CD36: variants seen among roughly 807,000 people sequenced by gnomAD.
CD36 encodes the protein platelet glycoprotein 4.
A neutral mutation model predicts 55.2 loss-of-function variants in CD36; 119 were observed. The ratio of observed to expected loss-of-function variants is 2.15; its 90% CI spans 1.86 to 2.51. CD36 has a LOEUF of 2.51. Ranked by LOEUF, CD36 falls within the 30% of genes most tolerant of loss-of-function variation. The pLI, the probability that CD36 is intolerant of heterozygous loss-of-function variation, is 0.00. For missense variants in CD36, 819 were observed against 555.5 expected (o/e 1.47, Z -4.77); for synonymous variants, 186 against 193.6 (o/e 0.96, Z 0.33).
intron 14 of CD36, among the ~76,000 whole-genome samples, chr7:80,675,717 A>G (rs978338423): frequency 2.0e-5 from 3 of 152,194 alleles, no homozygotes; most frequent in Admixed American, 6.5e-5. Flanking sequence ...TAAAAATTAT[A>G]TCTTTGGGCA....
chr7:80,641,557 A>G lies in CD36; in HGVS notation c.-184+2811A>G, dbSNP rs1969494. On this transcript the variant is annotated intron_variant, in intron 1 of 14. Transcript: ENST00000447544. ...AAGAAAAAGTGGGAGGAAGGCTTAT[A>G]GATAGAAAAAAAAGAAATTTTAGCA... Among the ~76,000 whole-genome samples, 1,300 of 152,158 alleles carry G rather than the reference A, an allele frequency of 8.5e-3. 64 individuals are homozygous for G. The East Asian group carries it at 0.1, about 12-fold the overall frequency.
At chr7:80,631,772 A>G (rs1461056224) in intron 1 of CD36, among the ~76,000 whole-genome samples, 1 of 151,522 alleles carries the variant, frequency 6.6e-6, no homozygotes, top group African/African-American at 2.4e-5. Flanking sequence ...TAAATAATTC[A>G]TAACATTTCC....
At chr7:80,644,907 G>A (rs1308571076) in intron 1 of CD36, among the ~76,000 whole-genome samples, 2 of 152,090 alleles carry the variant, frequency 1.3e-5, no homozygotes, top group East Asian at 1.9e-4. Flanking sequence ...TTGACAAAAT[G>A]TCATTGCAAC....
chr7:80,673,592 TAAGATTTTCTTCAAAA>T, intron 13 of CD36, 183 bp downstream of exon 13: 1 of 579,316 alleles, frequency 1.7e-6, no homozygotes, highest in Non-Finnish European at 3.1e-6. Context: ...TCCTATCATT[TAAGATTTTCTTCAAAA>T]ATGCATCTAT....
At chr7:80,606,614 G>A (rs977886507) in intron 1 of CD36, among the ~76,000 whole-genome samples, 5 of 152,226 alleles carry the variant, frequency 3.3e-5, no homozygotes, top group East Asian at 1.9e-4. Context: ...TGTCTTTGCC[G>A]CATGTACTGA....
chr7:80,677,018 G>A lies in CD36; in HGVS notation c.*635G>A, dbSNP rs1319875712. ...AATATGTTCTTCCTTAAATTCCTGTGCTTTTTCTAGTTCCTCTTGTGTCAT... is the reference window on the plus strand; with the variant it reads ...AATATGTTCTTCCTTAAATTCCTGTACTTTTTCTAGTTCCTCTTGTGTCAT... On this transcript the variant is annotated 3_prime_UTR_variant, in exon 15 of 15. Coordinates refer to ENST00000447544, the MANE Select transcript of CD36 (RefSeq NM_001001548.3). The A allele has an allele frequency of 6.6e-6, 1 of 152,052 alleles. No homozygotes were observed. Among genetic ancestry groups the A allele is most frequent in the Non-Finnish European group, 1.5e-5 (1 of 68,002 alleles). 9.4% of individuals were successfully genotyped at this position (152,052 alleles called of 1,614,324 possible).
chr7:80,665,016 C>G (rs992701646), intron 7 of CD36, among the ~76,000 whole-genome samples: 1 of 151,988 alleles, frequency 6.6e-6, no homozygotes, highest in Non-Finnish European at 1.5e-5. Context: ...CATGACCTTC[C>G]CCCTGCAAAT....
At chr7:80,672,883 G>C (rs541058204) in intron 12 of CD36, 40 bp downstream of exon 12, 2 of 1,230,650 alleles carry the variant, frequency 1.6e-6, no homozygotes, top group Non-Finnish European at 2.4e-6. Flanking sequence ...ATGATCTGTA[G>C]TATCGTAGTA....
intron 13 of CD36, 107 bp from the exon 14 acceptor site, chr7:80,673,876 T>A (rs1584474862): frequency 1.2e-6 from 1 of 821,288 alleles, no homozygotes; most frequent in East Asian, 2.6e-5. Context: ...TAGATACTGA[T>A]GACTAACACC....
intron 4 of CD36, among the ~76,000 whole-genome samples, 180 bp downstream of exon 4, chr7:80,656,880 G>C (rs1796132102): frequency 6.6e-6 from 1 of 151,772 alleles, no homozygotes; most frequent in Non-Finnish European, 1.5e-5. Context: ...TGATTATAAG[G>C]TATTTATTTT....
chr7:80,646,320 G>C (rs988554359), intron 2 of CD36, 139 bp downstream of exon 2: 43 of 239,826 alleles, frequency 1.8e-4, no homozygotes, highest in African/African-American at 8.1e-4. Flanking sequence ...AGATAGTGAG[G>C]ATGCAACTAA....
At chr7:80,666,510 G>A (rs778554273) in intron 8 of CD36, 21 bp downstream of exon 8, 1 of 1,583,892 alleles carries the variant, frequency 6.3e-7, no homozygotes, top group Non-Finnish European at 8.7e-7. Context: ...TTGTTTTGTG[G>A]TCATCACAGT....
At chr7:80,635,375 AGCGATTTTCCTGTCTCAGCCTCCT>A (rs1337896807), upstream of CD36, among the ~76,000 whole-genome samples, 1 of 152,004 alleles carries the variant, frequency 6.6e-6, no homozygotes, top group Non-Finnish European at 1.5e-5. Flanking sequence ...CCCAGGTTCA[AGCGATTTTCCTGTCTCAGCCTCCT>A]GAGTAGTTGG....
intron 1 of CD36, among the ~76,000 whole-genome samples, chr7:80,615,944 T>C (rs1347738270): frequency 3.9e-5 from 6 of 152,218 alleles, no homozygotes; most frequent in African/African-American, 1.4e-4. Flanking sequence ...AAGCTTGGAC[T>C]TAATTTTATT....
intron 8 of CD36, among the ~76,000 whole-genome samples, chr7:80,668,686 A>G (rs1797360129): frequency 1.3e-5 from 2 of 152,210 alleles, no homozygotes; most frequent in South Asian, 4.1e-4. Flanking sequence ...TTTAATTATT[A>G]AGGAAATGGA....
chr7:80,622,148 C>T (rs982828990), intron 1 of CD36, among the ~76,000 whole-genome samples: 1 of 152,242 alleles, frequency 6.6e-6, no homozygotes, highest in African/African-American at 2.4e-5. Context: ...GGGGACCACC[C>T]CTGCATCTCC....
chr7:80,608,819 C>G (rs1792711185), intron 1 of CD36, among the ~76,000 whole-genome samples: 1 of 152,116 alleles, frequency 6.6e-6, no homozygotes, highest in South Asian at 2.1e-4. Flanking sequence ...TCCTCTCTAC[C>G]TAACTAATTA....
chr7:80,670,976 G>A lies in CD36; in HGVS notation c.819-1G>A. ...TGCAGCTCTTTTTTCTCTGTATTTA[G>A]GTCAATCTATGCTGTATTTGAATCC... is the stretch of plus-strand genomic sequence containing the variant. On this transcript the variant is annotated splice_acceptor_variant, in intron 9 of 14. Transcript: ENST00000447544. LOFTEE classifies it high-confidence loss of function. 6.2e-7 allele frequency: 1 copy of A among 1,608,500 alleles called. No homozygotes were observed. Among genetic ancestry groups the A allele is most frequent in the Non-Finnish European group, 8.5e-7 (1 of 1,175,154 alleles).
chr7:80,668,317 A>G (rs1387759349), intron 8 of CD36, among the ~76,000 whole-genome samples: 2 of 152,184 alleles, frequency 1.3e-5, no homozygotes, highest in Non-Finnish European at 1.5e-5. Flanking sequence ...TATGGGGAAA[A>G]TAGGGCTGAT....
Sources: allele counts gnomAD v4.1 joint callset (sites outside exome capture counted in the v4.1 genomes callset), GRCh38; gene constraint gnomAD v4.1.1; transcripts MANE v1.5; gene names NCBI Gene and HGNC (gene_info 2026-07-23, HGNC 2026-07-21).